The following SPDYE2 variants were observed in gnomAD, a reference collection of about 807,000 sequenced individuals.
The protein encoded by SPDYE2 is speedy/RINGO cell cycle regulator family member E2, also known as speedy protein E2.
For synonymous variants in SPDYE2, 2 were observed against 45.1 expected, an observed-to-expected ratio of 0.04 and a Z score of 3.83; for missense variants, 1 against 121.0, an observed-to-expected ratio of 0.01 and a Z score of 4.65.
chr7:102,555,821 A>G (rs1800782788), intron 3 of SPDYE2, 79 bp from the exon 4 acceptor site: 1 of 464,068 alleles, frequency 2.2e-6, no homozygotes, highest in Non-Finnish European at 3.5e-6. Context: ...GAGGATGGAG[A>G]GTGGTTTGGG....
At chr7:102,554,129 A>G (rs1800673316) in intron 2 of SPDYE2, 1 of 985,366 alleles carries the variant, frequency 1.0e-6, no homozygotes, top group Admixed American at 6.1e-5. Flanking sequence ...TCAGAGAGCC[A>G]GGGACCAGGG....
chr7:102,564,581 A>T (rs1400511033), downstream of SPDYE2: 2 of 148,520 alleles, frequency 1.3e-5, no homozygotes, highest in African/African-American at 4.9e-5. Context: ...GTCATAGCTC[A>T]CTGCGGCCTC....
rs1800824543 is a variant in SPDYE2 at position 102,557,346 on chromosome 7, T to TG, written c.669+124_669+125insG. The TG allele has an allele frequency of 1.2e-5, 10 of 845,926 alleles. No homozygotes were observed. In the African/African-American group the frequency reaches 2.7e-4, roughly 23 times the overall value. 52.4% of individuals were successfully genotyped at this position (845,926 alleles called of 1,614,324 possible). On this transcript the variant is annotated intron_variant, in intron 5 of 8. Transcript: ENST00000507918. The stretch of plus-strand genomic sequence containing the variant: ...AGATGCTCCTACAGTCTTTTTTTTT[T>TG]TTTTTTGTGTGTGTGTGTGTGTGTG...
At position 102,561,232 on chromosome 7, in the gene SPDYE2, TC is replaced by T; in HGVS notation, c.*45+14del. 2.8e-6 allele frequency: 1 copy of T among 362,900 alleles called. No homozygotes were observed. Among genetic ancestry groups the T allele is most frequent in the Non-Finnish European group, 5.1e-6 (1 of 196,264 alleles). The allele number at this position is 362,900 out of a possible 1,614,324, so 22.5% of individuals were successfully genotyped here. On this transcript the variant is annotated intron_variant, in intron 8 of 8. Transcript: ENST00000507918. The stretch of plus-strand genomic sequence containing the variant: ...CGGCCTGAGAGAAGGTACATCTGCA[TC>T]CTCTGGGGTAAAGGCAGAATATTGG...
At chr7:102,554,955 A>G (rs1437299781) in intron 3 of SPDYE2, among the ~76,000 whole-genome samples, 2 of 130,766 alleles carry the variant, frequency 1.5e-5, no homozygotes, top group African/African-American at 5.5e-5. Flanking sequence ...TCAAAAGAAA[A>G]ACGAAGGCCA....
At chr7:102,559,256 C>T (rs1800866854) in intron 6 of SPDYE2, among the ~76,000 whole-genome samples, 1 of 1,194 alleles carries the variant, frequency 8.4e-4, no homozygotes, top group African/African-American at 1.7e-3. Context: ...AGGTCCCCCT[C>T]GCATCACTCG....
At chr7:102,554,982 C>A (rs1319831406) in intron 3 of SPDYE2, among the ~76,000 whole-genome samples, 6 of 132,556 alleles carry the variant, frequency 4.5e-5, no homozygotes, top group African/African-American at 1.6e-4. Flanking sequence ...GTAGCTCATG[C>A]CTGTAATCCC....
chr7:102,554,864 T>C (rs1473413468), intron 3 of SPDYE2, among the ~76,000 whole-genome samples: 1 of 114,136 alleles, frequency 8.8e-6, no homozygotes, highest in Non-Finnish European at 2.1e-5. Context: ...AGAGGATTGC[T>C]TGAACTCAGG....
At position 102,557,341 on chromosome 7, in the gene SPDYE2, T is replaced by TGTGTGTG. The variant is rs1171723315; in HGVS notation, c.669+119_669+120insGTGTGTG. Reference sequence around the variant, plus strand: ...CCACCAGATGCTCCTACAGTCTTTTTTTTTTTTTTTTGTGTGTGTGTGTGT... The same window carrying TGTGTGTG: ...CCACCAGATGCTCCTACAGTCTTTTTGTGTGTGTTTTTTTTTTTGTGTGTGTGTGTGT... On this transcript the variant is annotated intron_variant, in intron 5 of 8. Coordinates refer to ENST00000507918, the Ensembl canonical transcript of SPDYE2. The TGTGTGTG allele has an allele frequency of 2.1e-5, 8 of 387,562 alleles. No homozygotes were observed. In the East Asian group the frequency reaches 3.2e-4, roughly 15 times the overall value. The allele number at this position is 387,562 out of a possible 1,614,324, so 24.0% of individuals were successfully genotyped here.
intron 5 of SPDYE2, 114 bp downstream of exon 5, chr7:102,557,336 CTTTTTTTTTTT>C (rs374098436): frequency 0.041 from 28,869 of 701,450 alleles, 536 homozygotes; most frequent in Non-Finnish European, 0.047. Flanking sequence ...CTCCTACAGT[CTTTTTTTTTTT>C]TTTTTGTGTG....
downstream of SPDYE2, chr7:102,564,615 T>C (rs1285369293): frequency 6.7e-6 from 1 of 150,164 alleles, no homozygotes; most frequent in African/African-American, 2.4e-5. Flanking sequence ...AGCGATCCTC[T>C]TACCTTGCCT....
At chr7:102,555,076 A>G (rs1800735385) in intron 3 of SPDYE2, among the ~76,000 whole-genome samples, 1 of 142,802 alleles carries the variant, frequency 7.0e-6, no homozygotes, top group African/African-American at 2.6e-5. Flanking sequence ...AACCTCATTT[A>G]TACTAACAAT....
At chr7:102,559,947 T>C (rs1348514860) in intron 6 of SPDYE2, among the ~76,000 whole-genome samples, 1 of 36,430 alleles carries the variant, frequency 2.7e-5, no homozygotes, top group Non-Finnish European at 7.2e-5. Flanking sequence ...GGACAGTTTG[T>C]TTGTTTGTTT....
intron 3 of SPDYE2, among the ~76,000 whole-genome samples, chr7:102,554,880 G>C: frequency 8.6e-6 from 1 of 116,892 alleles, no homozygotes; most frequent in African/African-American, 2.9e-5. Flanking sequence ...TCAGGACTTT[G>C]AGGCTGCAGT....
At chr7:102,554,720 T>C (rs1800712959) in intron 3 of SPDYE2, 143 bp downstream of exon 3, 1 of 1,435,964 alleles carries the variant, frequency 7.0e-7, no homozygotes, top group Non-Finnish European at 9.3e-7. Flanking sequence ...TGATCACTCA[T>C]GAGGGACACT....
In SPDYE2 at chr7:102,553,700, A is replaced by G. The variant is rs1372491792; in HGVS notation, c.160+285A>G. Among the ~76,000 whole-genome samples, 2 of 47,516 alleles carry G rather than the reference A, an allele frequency of 4.2e-5. 1 individual carries two copies. The highest frequency in any genetic ancestry group is 1.8e-4 in the Non-Finnish European group (2 of 11,240). The allele number at this position is 47,516 out of a possible 152,430, so 31.2% of individuals were successfully genotyped here. ...AGACTGGGAGGAAGAGGTTGCAGTG[A>G]GCTGAGAGCACGCTACTGCACTCCA... On this transcript the variant is annotated intron_variant, in intron 2 of 8. Coordinates refer to ENST00000507918, the Ensembl canonical transcript of SPDYE2.
chr7:102,555,629 AC>A (rs1252288996), intron 3 of SPDYE2, among the ~76,000 whole-genome samples: 9 of 82,594 alleles, frequency 1.1e-4, no homozygotes, highest in Non-Finnish European at 1.9e-4. Context: ...AACAACAACA[AC>A]AACAAAAAAA....
intron 6 of SPDYE2, among the ~76,000 whole-genome samples, chr7:102,558,985 A>AGC (rs1800859574): frequency 1.1e-4 from 1 of 9,158 alleles, no homozygotes; most frequent in Non-Finnish European, 2.9e-4. Context: ...CCTGGGTGAC[A>AGC]GAGTGAGACT....
chr7:102,564,636 T>C (rs1800993141), downstream of SPDYE2: 1 of 151,922 alleles, frequency 6.6e-6, no homozygotes, highest in African/African-American at 2.4e-5. Flanking sequence ...TTCAAATTGC[T>C]GGGATTATAA....
Sources: allele counts gnomAD v4.1 joint callset (sites outside exome capture counted in the v4.1 genomes callset), GRCh38; gene constraint gnomAD v4.1.1; transcripts MANE v1.5; gene names NCBI Gene and HGNC (gene_info 2026-07-23, HGNC 2026-07-21).